The following CRPPA variants were observed in gnomAD, a reference collection of about 807,000 sequenced individuals.
CRPPA encodes D-ribitol-5-phosphate cytidylyltransferase.
CRPPA carries 43 observed loss-of-function variants against 52.0 expected under a neutral mutation model. The ratio of observed to expected loss-of-function variants is 0.83; its 90% CI spans 0.65 to 1.07. The LOEUF (loss-of-function observed/expected upper bound fraction) is 1.07, where lower values mean the gene tolerates loss of function less well. CRPPA is among the 50% of genes least tolerant of loss of function. CRPPA has a pLI of 0.00. For missense variants in CRPPA, 629 were observed against 551.7 expected, an observed-to-expected ratio of 1.14 and a Z score of -1.40; for synonymous variants, 250 against 203.5, an observed-to-expected ratio of 1.23 and a Z score of -1.94.
chr7:16,395,416 A>G (rs1227452121), intron 2 of CRPPA, among the ~76,000 whole-genome samples: 1 of 152,188 alleles, frequency 6.6e-6, no homozygotes, highest in East Asian at 1.9e-4. Flanking sequence ...CTCCAACCAT[A>G]TAATTATGAT....
chr7:16,394,059 C>T (rs1451198818), intron 2 of CRPPA, among the ~76,000 whole-genome samples: 1 of 152,076 alleles, frequency 6.6e-6, no homozygotes, highest in Non-Finnish European at 1.5e-5. Context: ...GCAACTTGAA[C>T]TTCTTTTACG....
rs755375486 is a variant in CRPPA, at chr7:16,134,408, C to T, written c.1252-42609G>A. On this transcript the variant is annotated intron_variant, in intron 9 of 9. Transcript: ENST00000407010. ...CTTGAATCATCCTGAAACCATCCTCCCACCGACCTCTGTCCATGGAAAAAT... is the reference window on the plus strand; with the variant it reads ...CTTGAATCATCCTGAAACCATCCTCTCACCGACCTCTGTCCATGGAAAAAT... 1.4e-4 allele frequency among the ~76,000 whole-genome samples: 9 copies of T among 63,674 alleles called. 2 individuals are homozygous for T. Among genetic ancestry groups the T allele is most frequent in the Non-Finnish European group, 4.0e-4 (9 of 22,660 alleles). 41.8% of individuals were successfully genotyped at this position (63,674 alleles called of 152,430 possible).
chr7:16,183,232 G>C (rs1282723063), intron 9 of CRPPA, among the ~76,000 whole-genome samples: 1 of 152,154 alleles, frequency 6.6e-6, no homozygotes, highest in Non-Finnish European at 1.5e-5. Context: ...GTCATCTCTA[G>C]TCCGTAACAT....
At chr7:16,175,206 T>G (rs1781270589) in intron 9 of CRPPA, among the ~76,000 whole-genome samples, 1 of 152,188 alleles carries the variant, frequency 6.6e-6, no homozygotes, top group Admixed American at 6.5e-5. Flanking sequence ...GTTAGAAGAC[T>G]TAAACTGATC....
chr7:16,232,250 A>C (rs920460374), intron 8 of CRPPA, among the ~76,000 whole-genome samples: 5 of 152,216 alleles, frequency 3.3e-5, no homozygotes, highest in African/African-American at 1.2e-4. Flanking sequence ...TCCCTACCAA[A>C]ACTCACATTA....
At chr7:16,338,995 T>C (rs1785756851) in intron 3 of CRPPA, among the ~76,000 whole-genome samples, 1 of 151,920 alleles carries the variant, frequency 6.6e-6, no homozygotes, top group Non-Finnish European at 1.5e-5. Context: ...TTTTTTGTAT[T>C]TTTAGTAGAG....
At chr7:16,315,964 T>C (rs944172438) in intron 3 of CRPPA, among the ~76,000 whole-genome samples, 1 of 152,158 alleles carries the variant, frequency 6.6e-6, no homozygotes, top group Non-Finnish European at 1.5e-5. Context: ...TATTTTTCAA[T>C]TGTTCAATAT....
intron 8 of CRPPA, among the ~76,000 whole-genome samples, chr7:16,218,370 G>C: frequency 7.9e-6 from 1 of 126,946 alleles, no homozygotes; most frequent in East Asian, 2.3e-4. Context: ...AGACTAGGAA[G>C]AAACTGCATC....
chr7:16,377,678 G>A (rs773454379), intron 2 of CRPPA, among the ~76,000 whole-genome samples: 13 of 152,128 alleles, frequency 8.5e-5, no homozygotes, highest in Non-Finnish European at 1.5e-4. Context: ...TACTCAAGCC[G>A]TGACCCGTTT....
chr7:16,196,224 T>C (rs1026234598), intron 9 of CRPPA, among the ~76,000 whole-genome samples: 14 of 152,156 alleles, frequency 9.2e-5, no homozygotes, highest in Non-Finnish European at 2.1e-4. Context: ...TCTAGTTCAG[T>C]CACTTATTAG....
intron 8 of CRPPA, among the ~76,000 whole-genome samples, chr7:16,223,692 A>C (rs1193318071): frequency 1.3e-5 from 2 of 152,198 alleles, no homozygotes; most frequent in East Asian, 3.8e-4. Context: ...ATTTTAATTT[A>C]AAAAAACAGA....
Position 16,286,097 on chromosome 7 carries a change from A to AAAATATATATATATAT in CRPPA, c.836-7872_836-7871insATATATATATATATTT. ...TATATATATAATATTTAAAAAAAAA[A>AAAATATATATATATAT]ATATATATATATATATATATGCCAA... On this transcript the variant is annotated intron_variant, in intron 5 of 9. Coordinates refer to ENST00000407010, the MANE Select transcript of CRPPA (RefSeq NM_001101426.4). Among the ~76,000 whole-genome samples the AAAATATATATATATAT allele has an allele frequency of 1.0e-3, 40 of 39,116 alleles. 2 individuals are homozygous for AAAATATATATATATAT. Among genetic ancestry groups the AAAATATATATATATAT allele is most frequent in the African/African-American group, 5.9e-3 (32 of 5,450 alleles). 25.7% of individuals were successfully genotyped at this position (39,116 alleles called of 152,430 possible).
chr7:16,113,236 GA>G (rs540017905), intron 9 of CRPPA, among the ~76,000 whole-genome samples: 38 of 151,950 alleles, frequency 2.5e-4, no homozygotes, highest in Middle Eastern at 6.8e-3. Context: ...GTTGCAGAGA[GA>G]ATTACTGAAA....
In CRPPA at chr7:16,325,539, T is replaced by C. The variant is rs1027475278; in HGVS notation, c.685-16912A>G. On this transcript the variant is annotated intron_variant, in intron 3 of 9. Coordinates refer to ENST00000407010, the MANE Select transcript of CRPPA (RefSeq NM_001101426.4). Reference sequence around the variant, plus strand: ...CAATAAGAACTATCAGAGGCAATCATCTCAAAACACTCCTGAAAGAGTGAT... The same window carrying C: ...CAATAAGAACTATCAGAGGCAATCACCTCAAAACACTCCTGAAAGAGTGAT... 2.0e-5 allele frequency among the ~76,000 whole-genome samples: 3 copies of C among 152,102 alleles called. No homozygotes were observed. The South Asian group carries it at 6.2e-4, about 31-fold the overall frequency.
At chr7:16,208,258 G>A (rs1782021253) in intron 9 of CRPPA, among the ~76,000 whole-genome samples, 1 of 152,094 alleles carries the variant, frequency 6.6e-6, no homozygotes, top group African/African-American at 2.4e-5. Flanking sequence ...ACAAAAACAA[G>A]GGATAAGGGA....
chr7:16,131,278 T>A (rs1478478025), intron 9 of CRPPA, among the ~76,000 whole-genome samples: 1 of 152,112 alleles, frequency 6.6e-6, no homozygotes, highest in Non-Finnish European at 1.5e-5. Flanking sequence ...TTAGAGGCAA[T>A]TTTAGAAGGA....
At chr7:16,220,900 C>T (rs1438902129) in intron 8 of CRPPA, among the ~76,000 whole-genome samples, 1 of 152,158 alleles carries the variant, frequency 6.6e-6, no homozygotes, top group Non-Finnish European at 1.5e-5. Context: ...ATGCCATCCC[C>T]ATCAAGCTAC....
At chr7:16,333,934 G>C (rs1218327755) in intron 3 of CRPPA, among the ~76,000 whole-genome samples, 1 of 152,126 alleles carries the variant, frequency 6.6e-6, no homozygotes, top group Non-Finnish European at 1.5e-5. Flanking sequence ...ATGATGTTTG[G>C]AAAAATGAGT....
intron 2 of CRPPA, among the ~76,000 whole-genome samples, chr7:16,384,764 C>T (rs371092514): frequency 6.6e-5 from 10 of 151,782 alleles, no homozygotes; most frequent in Non-Finnish European, 1.0e-4. Context: ...AATAAGCAAA[C>T]AAGTCATGCA....
Sources: gnomAD v4.1 joint callset for allele counts (sites outside exome capture counted in the v4.1 genomes callset) on GRCh38, gnomAD v4.1.1 for gene constraint, MANE v1.5 for transcripts, NCBI Gene and HGNC (gene_info 2026-07-23, HGNC 2026-07-21) for gene names.